BPIFB1: variants seen among roughly 807,000 people sequenced by gnomAD.
The protein encoded by BPIFB1 is BPI fold-containing family B member 1.
Under a neutral mutation model 55.1 loss-of-function variants are expected in BPIFB1, and 34 were observed. The observed-to-expected ratio is 0.62, with a 90% CI of 0.47 to 0.82. BPIFB1 has a LOEUF of 0.82. Ranked by LOEUF, BPIFB1 falls within the 40% of genes least tolerant of loss-of-function variation. The pLI is 0.00. For synonymous variants in BPIFB1, 236 were observed against 245.3 expected (o/e 0.96, Z 0.35); for missense variants, 532 against 593.1 (o/e 0.90, Z 1.07).
chr20:33,300,747 T>C (rs890748429), intron 8 of BPIFB1, among the ~76,000 whole-genome samples: 1 of 152,106 alleles, frequency 6.6e-6, no homozygotes, highest in Non-Finnish European at 1.5e-5. Context: ...CCACCACGCC[T>C]GGCTAATTTT....
chr20:33,302,985 G>A lies in BPIFB1; in HGVS notation c.1051G>A (p.Asp351Asn), dbSNP rs748350120. The change falls in exon 11 of 16, where the codon GAC (aspartate) becomes AAC (asparagine). Residue 351 changes from aspartate (D) to asparagine (N), a missense_variant. Asp to Asn is a conservative substitution (Grantham distance 23). Transcript: ENST00000253354. ...TCAGGACACTCCCGAGTTTTTTATA[G>A]ACCAAGGCCATGCCAAGGTGGCCCA... is the stretch of plus-strand genomic sequence containing the variant. ...LTQDTPEFFI[D>N]QGHAKVAQLI... 2 of 1,614,108 alleles carry A rather than the reference G, an allele frequency of 1.2e-6. No individual in the cohort carries two copies. The highest frequency in any genetic ancestry group is 1.7e-6 in the Non-Finnish European group (2 of 1,179,996).
chr20:33,290,093 G>A (rs73906383), intron 4 of BPIFB1, 101 bp downstream of exon 4: 26 of 901,836 alleles, frequency 2.9e-5, no homozygotes, highest in Non-Finnish European at 3.4e-5. Flanking sequence ...AGAGAGTTCC[G>A]AGCAGAGAGA....
chr20:33,306,950 C>A lies in BPIFB1; in HGVS notation c.1358C>A (p.Ala453Asp). The A allele has an allele frequency of 6.2e-7, 1 of 1,614,210 alleles. No homozygotes were observed. Among genetic ancestry groups the A allele is most frequent in the Non-Finnish European group, 8.5e-7 (1 of 1,180,006 alleles). ...RSGVPVSLVK[A>D]LGFEAAESSL... ...GGGGTCCCAGTGTCATTGGTGAAGGCCTTGGGATTCGAGGCAGCTGAGTCC... is the reference window on the plus strand; with the variant it reads ...GGGGTCCCAGTGTCATTGGTGAAGGACTTGGGATTCGAGGCAGCTGAGTCC... The change falls in exon 15 of 16, where the codon GCC becomes GAC. Residue 453 changes from alanine (A) to aspartate (D), a missense_variant. Ala to Asp is a moderately radical substitution (Grantham distance 126). Coordinates refer to ENST00000253354, the MANE Select transcript of BPIFB1 (RefSeq NM_033197.3).
At chr20:33,294,893 G>A (rs1002771476) in intron 6 of BPIFB1, among the ~76,000 whole-genome samples, 1 of 152,200 alleles carries the variant, frequency 6.6e-6, no homozygotes, top group African/African-American at 2.4e-5. Flanking sequence ...GCACGTTTAA[G>A]AGGTGAGCGT....
rs1008703446 is a variant in BPIFB1, at chr20:33,288,634, C to T, written c.116-107C>T. ...ACAGTAGAGATGGCTACACCCTCGC[C>T]TTACCTCAGGGAGCCTCGAGTGATA... On this transcript the variant is annotated intron_variant, in intron 2 of 15. Coordinates refer to ENST00000253354, the MANE Select transcript of BPIFB1 (RefSeq NM_033197.3). 5.1e-6 allele frequency: 7 copies of T among 1,370,208 alleles called. No individual in the cohort carries two copies. In the African/African-American group the frequency reaches 1.0e-4, roughly 20 times the overall value. 84.9% of individuals were successfully genotyped at this position (1,370,208 alleles called of 1,614,324 possible).
rs765783865 is a variant in BPIFB1, at chr20:33,299,219, C to G, written c.662-680C>G. ...CCCCGAGGACGGGCCCGGAGGTCTC[C>G]CTGGAGCGGTAGGCGGCCGGTCCCT... On this transcript the variant is annotated intron_variant, in intron 7 of 15. Transcript: ENST00000253354. The G allele has an allele frequency of 5.3e-4, 241 of 454,980 alleles. 3 individuals are homozygous for G. Among genetic ancestry groups the G allele is most frequent in the South Asian group, 3.2e-3 (205 of 64,540 alleles). The allele number at this position is 454,980 out of a possible 1,614,324, so 28.2% of individuals were successfully genotyped here.
intron 7 of BPIFB1, chr20:33,298,976 CTT>C (rs35028429): frequency 0.015 from 3,578 of 240,676 alleles, no homozygotes; most frequent in South Asian, 0.028. Flanking sequence ...CTTTAATATA[CTT>C]TTTTTTTTTT....
chr20:33,307,663 C>T (rs1252913598), intron 15 of BPIFB1: 1 of 152,494 alleles, frequency 6.6e-6, no homozygotes, highest in Non-Finnish European at 1.5e-5. Context: ...CCTATAATCC[C>T]AGCACTTTGG....
At chr20:33,287,881 G>A (rs1980321008) in intron 2 of BPIFB1, among the ~76,000 whole-genome samples, 1 of 152,210 alleles carries the variant, frequency 6.6e-6, no homozygotes, top group African/African-American at 2.4e-5. Flanking sequence ...GAGCCATGAA[G>A]GGAATCCCCC....
At position 33,299,998 on chromosome 20, in the gene BPIFB1, G is replaced by A. The variant is rs1225155791; in HGVS notation, c.747+14G>A. The A allele has an allele frequency of 6.2e-7, 1 of 1,610,004 alleles. No individual in the cohort carries two copies. The highest frequency in any genetic ancestry group is 1.1e-5 in the South Asian group (1 of 91,000). ...CTCTACCTGGGGGTGAGTGTCCCAG[G>A]ACCTTGAGGGTGAAGTGGGGACATT... On this transcript the variant is annotated intron_variant, in intron 8 of 15. Transcript: ENST00000253354.
intron 13 of BPIFB1, among the ~76,000 whole-genome samples, chr20:33,305,263 T>C (rs1406442082): frequency 1.3e-5 from 2 of 151,354 alleles, no homozygotes; most frequent in African/African-American, 4.9e-5. Flanking sequence ...CCCCAATACC[T>C]CAGTCTGGCG....
At chr20:33,293,269 A>G (rs941186127) in intron 6 of BPIFB1, among the ~76,000 whole-genome samples, 8 of 135,780 alleles carry the variant, frequency 5.9e-5, no homozygotes, top group East Asian at 1.9e-4. Flanking sequence ...AAATTTGGGG[A>G]AAAAAAATCC....
intron 4 of BPIFB1, among the ~76,000 whole-genome samples, chr20:33,290,260 C>T (rs535498920): frequency 1.2e-4 from 19 of 152,284 alleles, no homozygotes; most frequent in African/African-American, 4.6e-4. Flanking sequence ...AAGGACTTGG[C>T]TTTTGCTGAG....
At chr20:33,303,625 A>G (rs2146535001) in intron 11 of BPIFB1, among the ~76,000 whole-genome samples, 1 of 152,324 alleles carries the variant, frequency 6.6e-6, no homozygotes, top group East Asian at 1.9e-4. Context: ...GTGTGTCCAG[A>G]AAAATGGAAT....
intron 10 of BPIFB1, chr20:33,302,618 C>T: frequency 1.5e-6 from 1 of 661,010 alleles, no homozygotes; most frequent in South Asian, 1.8e-5. Context: ...ATTACAGCTG[C>T]AGTAACACAG....
intron 7 of BPIFB1, among the ~76,000 whole-genome samples, chr20:33,299,639 AG>A (rs1330399337): frequency 6.6e-6 from 1 of 152,204 alleles, no homozygotes; most frequent in African/African-American, 2.4e-5. Flanking sequence ...CATCTGTAAA[AG>A]GGGGTAATAA....
At chr20:33,308,692 A>G (rs992358481) in intron 15 of BPIFB1, among the ~76,000 whole-genome samples, 3 of 133,068 alleles carry the variant, frequency 2.3e-5, no homozygotes, top group Non-Finnish European at 4.6e-5. Flanking sequence ...ACACATACAT[A>G]CACACACACA....
intron 8 of BPIFB1, among the ~76,000 whole-genome samples, chr20:33,300,292 A>G (rs1418409071): frequency 6.6e-6 from 1 of 152,206 alleles, no homozygotes; most frequent in Non-Finnish European, 1.5e-5. Flanking sequence ...CCTTGAAACA[A>G]AAGCCAAGGA....
At chr20:33,304,745 T>G in intron 12 of BPIFB1, 101 bp from the exon 13 acceptor site, 1 of 1,459,926 alleles carries the variant, frequency 6.8e-7, no homozygotes, top group Non-Finnish European at 9.6e-7. Flanking sequence ...GCCCGCACTG[T>G]GCCTGGCACA....
Sources: allele counts gnomAD v4.1 joint callset (sites outside exome capture counted in the v4.1 genomes callset), GRCh38; gene constraint gnomAD v4.1.1; transcripts MANE v1.5; gene names NCBI Gene and HGNC (gene_info 2026-07-23, HGNC 2026-07-21).